HTR7: variants seen among roughly 807,000 people sequenced by gnomAD.
HTR7 encodes the protein 5-hydroxytryptamine receptor 7.
HTR7 carries 16 observed loss-of-function variants against 34.0 expected under a neutral mutation model. That is an observed-to-expected ratio of 0.47 (90% CI 0.32 to 0.71). HTR7 has a LOEUF of 0.71. Among genes scored for constraint, HTR7 ranks in the 30% least tolerant of loss-of-function variants. HTR7 has a pLI of 0.04. For synonymous variants in HTR7, 265 were observed against 260.2 expected, an observed-to-expected ratio of 1.02 and a Z score of -0.18; for missense variants, 504 against 625.5, an observed-to-expected ratio of 0.81 and a Z score of 2.07.
chr10:90,779,187 T>C (rs192250416), intron 1 of HTR7, among the ~76,000 whole-genome samples: 2 of 152,312 alleles, frequency 1.3e-5, no homozygotes, highest in East Asian at 3.9e-4. Context: ...CTCTTGAAGA[T>C]TTTTTAAAAG....
At chr10:90,854,044 G>C (rs1846541704) in intron 1 of HTR7, among the ~76,000 whole-genome samples, 1 of 152,254 alleles carries the variant, frequency 6.6e-6, no homozygotes, top group South Asian at 2.1e-4. Context: ...AACCAAACTT[G>C]ACACAGTAGA....
intron 1 of HTR7, among the ~76,000 whole-genome samples, chr10:90,786,207 C>A (rs969447042): frequency 3.3e-5 from 5 of 152,230 alleles, no homozygotes; most frequent in Admixed American, 2.0e-4. Flanking sequence ...CATCCCAACA[C>A]AGAGGATAAC....
intron 1 of HTR7, among the ~76,000 whole-genome samples, chr10:90,849,179 C>G (rs1337467732): frequency 1.3e-5 from 2 of 152,080 alleles, no homozygotes; most frequent in African/African-American, 2.4e-5. Flanking sequence ...CTGATATGTA[C>G]CTGGTGATAA....
chr10:90,804,339 T>C (rs1845671171), intron 1 of HTR7, among the ~76,000 whole-genome samples: 1 of 152,186 alleles, frequency 6.6e-6, no homozygotes, highest in Non-Finnish European at 1.5e-5. Context: ...GCAGGGTATA[T>C]GTCTCCCCAC....
intron 1 of HTR7, among the ~76,000 whole-genome samples, chr10:90,815,540 C>T (rs1345289776): frequency 1.3e-5 from 2 of 151,996 alleles, no homozygotes; most frequent in African/African-American, 4.8e-5. Context: ...TGGACATGTG[C>T]GGGCAGGAGA....
At chr10:90,784,630 C>A (rs1845354626) in intron 1 of HTR7, among the ~76,000 whole-genome samples, 1 of 152,044 alleles carries the variant, frequency 6.6e-6, no homozygotes, top group Non-Finnish European at 1.5e-5. Flanking sequence ...ACAACTGAGC[C>A]AATATCAGTA....
intron 1 of HTR7, among the ~76,000 whole-genome samples, chr10:90,753,734 T>A (rs904213603): frequency 6.6e-6 from 1 of 151,580 alleles, no homozygotes; most frequent in African/African-American, 2.4e-5. Context: ...TTAGATATGA[T>A]ATATATATAT....
chr10:90,747,860 C>T (rs910988821), intron 2 of HTR7, among the ~76,000 whole-genome samples: 17 of 152,184 alleles, frequency 1.1e-4, no homozygotes, highest in Admixed American at 3.9e-4. Flanking sequence ...GACTTTCAAA[C>T]GTGAAGAAAT....
chr10:90,747,297 C>T (rs1427266218), intron 2 of HTR7, among the ~76,000 whole-genome samples: 2 of 152,192 alleles, frequency 1.3e-5, no homozygotes, highest in African/African-American at 2.4e-5. Context: ...CTGATTAAGA[C>T]ATTGTTCCTT....
intron 1 of HTR7, among the ~76,000 whole-genome samples, chr10:90,793,729 T>G (rs1845494932): frequency 6.6e-6 from 1 of 151,940 alleles, no homozygotes; most frequent in Admixed American, 6.6e-5. Context: ...ATCTGCAAGG[T>G]GAGGAGCAAG....
At chr10:90,770,566 C>A (rs1170399198) in intron 1 of HTR7, among the ~76,000 whole-genome samples, 1 of 152,230 alleles carries the variant, frequency 6.6e-6, no homozygotes, top group Non-Finnish European at 1.5e-5. Context: ...TGCCTGCTCC[C>A]ATCTCAGAGC....
At position 90,742,538 on chromosome 10, in the gene HTR7, A is replaced by C; in HGVS notation, c.1394-10T>G. 1 of 1,560,574 alleles carries C rather than the reference A, an allele frequency of 6.4e-7. No homozygotes were observed. The highest frequency in any genetic ancestry group is 8.8e-7 in the Non-Finnish European group (1 of 1,142,474). On this transcript the variant is annotated splice_polypyrimidine_tract_variant and intron_variant, in intron 3 of 3. Transcript: ENST00000336152. The stretch of plus-strand genomic sequence containing the variant: ...GTAGTCAGCATTTTGTCTAAAAAAA[A>C]GAGAGAGAAAAATAGAAAATAATTT...
At chr10:90,762,940 C>T (rs68093943) in intron 1 of HTR7, among the ~76,000 whole-genome samples, 21,567 of 152,008 alleles carry the variant, frequency 0.14, 1,626 homozygotes, top group East Asian at 0.2. Context: ...ATAAGTTGAC[C>T]GTGTATGTGG....
chr10:90,853,829 G>C (rs1049998803), intron 1 of HTR7, among the ~76,000 whole-genome samples: 1 of 152,166 alleles, frequency 6.6e-6, no homozygotes, highest in Non-Finnish European at 1.5e-5. Flanking sequence ...TTAGGGAATA[G>C]CTCGGGGCTG....
intron 1 of HTR7, among the ~76,000 whole-genome samples, chr10:90,828,916 T>G (rs1375115133): frequency 6.6e-6 from 1 of 150,752 alleles, no homozygotes; most frequent in East Asian, 1.9e-4. Flanking sequence ...CTCAGGGGGT[T>G]GAAAATTTAA....
intron 1 of HTR7, among the ~76,000 whole-genome samples, chr10:90,770,678 G>A (rs1845095397): frequency 6.6e-6 from 1 of 152,220 alleles, no homozygotes; most frequent in Admixed American, 6.5e-5. Flanking sequence ...GCCCTCTCTA[G>A]ACATTGGGCA....
chr10:90,762,421 T>A (rs1040773324), intron 1 of HTR7, among the ~76,000 whole-genome samples: 1 of 152,204 alleles, frequency 6.6e-6, no homozygotes, highest in Non-Finnish European at 1.5e-5. Context: ...CTGTTGTCCA[T>A]ATGTATGTCT....
At chr10:90,833,093 T>C (rs1846202179) in intron 1 of HTR7, among the ~76,000 whole-genome samples, 1 of 152,166 alleles carries the variant, frequency 6.6e-6, no homozygotes, top group Non-Finnish European at 1.5e-5. Context: ...TAACATTCTC[T>C]GGTAGTTGTG....
At chr10:90,816,301 G>C (rs1423123506) in intron 1 of HTR7, among the ~76,000 whole-genome samples, 1 of 152,152 alleles carries the variant, frequency 6.6e-6, no homozygotes, top group African/African-American at 2.4e-5. Flanking sequence ...ATACCTCTCT[G>C]AGTTCTCCAA....
Sources: allele counts gnomAD v4.1 joint callset (sites outside exome capture counted in the v4.1 genomes callset), GRCh38; gene constraint gnomAD v4.1.1; transcripts MANE v1.5; gene names NCBI Gene and HGNC (gene_info 2026-07-23, HGNC 2026-07-21).